Variants in HS1BP3 observed in about 807,000 individuals in gnomAD.
HS1BP3 encodes HCLS1-binding protein 3.
HS1BP3 carries 32 observed loss-of-function variants against 33.5 expected under a neutral mutation model. The observed-to-expected ratio is 0.95, with a 90% confidence interval of 0.72 to 1.28. HS1BP3 has a LOEUF of 1.28. HS1BP3 is among the 50% of genes most tolerant of loss of function. The pLI is 0.00. For synonymous variants in HS1BP3, 187 were observed against 209.2 expected (o/e 0.89, Z 0.92); for missense variants, 486 against 502.3 (o/e 0.97, Z 0.31).
intron 1 of HS1BP3, 128 bp from the exon 2 acceptor site, chr2:20,645,633 T>A: frequency 2.2e-6 from 2 of 896,486 alleles, no homozygotes; most frequent in Non-Finnish European, 3.3e-6. Flanking sequence ...CTGTCCTCAG[T>A]GGTCACTGCT....
chr2:20,646,013 G>T (rs1288744441), intron 1 of HS1BP3, among the ~76,000 whole-genome samples: 1 of 152,242 alleles, frequency 6.6e-6, no homozygotes, highest in Admixed American at 6.5e-5. Flanking sequence ...GTGGCCCAGA[G>T]AGGCACTGAT....
At chr2:20,591,239 C>G (rs1014987875), downstream of HS1BP3, 1 of 167,190 alleles carries the variant, frequency 6.0e-6, no homozygotes, top group African/African-American at 2.4e-5. Flanking sequence ...GCCCCTTCCT[C>G]CACGGGAGCT....
intron 3 of HS1BP3, among the ~76,000 whole-genome samples, chr2:20,639,129 G>C (rs929441170): frequency 1.3e-5 from 2 of 152,254 alleles, no homozygotes; most frequent in Non-Finnish European, 2.9e-5. Context: ...GACCTGCCCC[G>C]AGAGTCTGGG....
intron 2 of HS1BP3, among the ~76,000 whole-genome samples, chr2:20,603,996 C>T (rs56210119): frequency 0.15 from 23,319 of 152,258 alleles, 1,962 homozygotes; most frequent in Non-Finnish European, 0.19. Flanking sequence ...GAGCCCAGTC[C>T]GCTGCTTCCC....
chr2:20,624,662 C>G, intron 5 of HS1BP3, 70 bp downstream of exon 5: 3 of 1,468,692 alleles, frequency 2.0e-6, no homozygotes, highest in Non-Finnish European at 2.8e-6. Context: ...CCGGGTGAGT[C>G]CAGACCCTGC....
In HS1BP3 at chr2:20,641,735, C is replaced by G. The variant is rs537135976; in HGVS notation, c.199-555G>C. On this transcript the variant is annotated intron_variant, in intron 2 of 6. Coordinates refer to ENST00000304031, the MANE Select transcript of HS1BP3 (RefSeq NM_022460.4). The stretch of plus-strand genomic sequence containing the variant: ...GGCACCCGAGTCAAGCAGGCCAGGA[C>G]TCTTGCTGTCATCAGAAGGCAGCCT... Among the ~76,000 whole-genome samples, 3 of 152,336 alleles carry G rather than the reference C, an allele frequency of 2.0e-5. No homozygotes were observed. In the East Asian group the frequency reaches 5.8e-4, roughly 29 times the overall value.
At chr2:20,582,635 C>G (rs1217703075) in intron 5 of HS1BP3, among the ~76,000 whole-genome samples, 1 of 152,068 alleles carries the variant, frequency 6.6e-6, no homozygotes, top group Non-Finnish European at 1.5e-5. Flanking sequence ...ATCAGGGGAC[C>G]CCACCCACCC....
chr2:20,563,528 G>A (rs1384162905), intron 5 of HS1BP3, among the ~76,000 whole-genome samples: 1 of 152,218 alleles, frequency 6.6e-6, no homozygotes, highest in Non-Finnish European at 1.5e-5. Flanking sequence ...GTTTCCTGGG[G>A]CCAGGTGTGG....
At chr2:20,556,331 T>A (rs541337732), downstream of HS1BP3, among the ~76,000 whole-genome samples, 7 of 152,360 alleles carry the variant, frequency 4.6e-5, no homozygotes, top group South Asian at 1.4e-3. Flanking sequence ...GGTATGGTTT[T>A]GTTCCATCAG....
At chr2:20,589,809 TG>T (rs983366847), downstream of HS1BP3, among the ~76,000 whole-genome samples, 1 of 150,934 alleles carries the variant, frequency 6.6e-6, no homozygotes, top group African/African-American at 2.4e-5. Context: ...TCACAGCTGG[TG>T]GAGGGAGACT....
chr2:20,602,794 G>A (rs1420203518), intron 2 of HS1BP3, among the ~76,000 whole-genome samples: 1 of 152,156 alleles, frequency 6.6e-6, no homozygotes, highest in Non-Finnish European at 1.5e-5. Flanking sequence ...TGAAAATACA[G>A]CCCACAGAAT....
chr2:20,570,401 GGCACCT>G (rs1378335584), intron 5 of HS1BP3, among the ~76,000 whole-genome samples: 1 of 152,136 alleles, frequency 6.6e-6, no homozygotes, highest in Non-Finnish European at 1.5e-5. Context: ...ATGCTCCCTG[GGCACCT>G]GCTTGCTGCG....
Position 20,622,575 on chromosome 2 carries a change from T to C in HS1BP3, c.920+1321A>G, listed in dbSNP as rs547207507. 64 of 341,280 alleles carry C rather than the reference T, an allele frequency of 1.9e-4. 1 individual carries two copies. The highest frequency in any genetic ancestry group is 1.4e-3 in the South Asian group (61 of 44,350). 21.1% of individuals were successfully genotyped at this position (341,280 alleles called of 1,614,324 possible). ...ATCAGCCACAGAGCCCCTTTGAAGA[T>C]AGCCTTTGACCACCCCACTGTACCA... On this transcript the variant is annotated intron_variant, in intron 6 of 6. Transcript: ENST00000304031.
At chr2:20,565,599 C>T (rs114029315) in intron 5 of HS1BP3, among the ~76,000 whole-genome samples, 1,599 of 152,368 alleles carry the variant, frequency 0.01, 30 homozygotes, top group African/African-American at 0.037. Flanking sequence ...CAGCCCCTCC[C>T]GGGCAGGCCA....
chr2:20,583,151 A>C (rs1178222544), intron 5 of HS1BP3, among the ~76,000 whole-genome samples: 2 of 152,230 alleles, frequency 1.3e-5, no homozygotes, highest in Admixed American at 1.3e-4. Context: ...TCACTTCTGA[A>C]CAACCCCTCT....
intron 5 of HS1BP3, among the ~76,000 whole-genome samples, chr2:20,571,927 G>A (rs1268898322): frequency 6.6e-6 from 1 of 152,242 alleles, no homozygotes. Context: ...CCGAGGCCAG[G>A]AATGGAGATT....
intron 2 of HS1BP3, among the ~76,000 whole-genome samples, chr2:20,602,693 C>T (rs1301211851): frequency 1.3e-5 from 2 of 152,090 alleles, no homozygotes; most frequent in Non-Finnish European, 2.9e-5. Context: ...GTCGATGACA[C>T]CAAAAGCACA....
chr2:20,587,822 A>G (rs1356410616), downstream of HS1BP3, among the ~76,000 whole-genome samples: 3 of 152,214 alleles, frequency 2.0e-5, no homozygotes, highest in Non-Finnish European at 4.4e-5. Context: ...AGTGGCCAGG[A>G]GCTGTGGGGA....
intron 5 of HS1BP3, among the ~76,000 whole-genome samples, chr2:20,579,363 A>G (rs10203073): frequency 0.098 from 14,854 of 152,236 alleles, 2,383 homozygotes; most frequent in African/African-American, 0.33. Context: ...GCCTACCGGG[A>G]CTTCGAGAGA....
Sources: gnomAD v4.1 joint callset for allele counts (sites outside exome capture counted in the v4.1 genomes callset) on GRCh38, gnomAD v4.1.1 for gene constraint, MANE v1.5 for transcripts, NCBI Gene and HGNC (gene_info 2026-07-23, HGNC 2026-07-21) for gene names.